Variants in ZRANB3 observed in about 807,000 individuals in gnomAD.
The protein encoded by ZRANB3 is zinc finger RANBP2-type containing 3, also known as DNA annealing helicase and endonuclease ZRANB3.
Under a neutral mutation model 133.8 loss-of-function variants are expected in ZRANB3, and 125 were observed. The observed-to-expected ratio is 0.93, with a 90% CI of 0.81 to 1.08. ZRANB3 has a LOEUF of 1.08. Among genes scored for constraint, ZRANB3 ranks in the 50% least tolerant of loss-of-function variants. The pLI, the probability that ZRANB3 is intolerant of heterozygous loss-of-function variation, is 0.00. For missense variants in ZRANB3, 1,229 were observed against 1,275.5 expected (o/e 0.96, Z 0.56); for synonymous variants, 387 against 432.7 (o/e 0.89, Z 1.31).
chr2:135,327,280 G>A (rs1240476037), intron 6 of ZRANB3, among the ~76,000 whole-genome samples: 2 of 152,122 alleles, frequency 1.3e-5, no homozygotes, highest in African/African-American at 2.4e-5. Context: ...AAGAAAAATT[G>A]GTTTAGATTG....
chr2:135,406,436 A>G (rs1436158362), intron 2 of ZRANB3, among the ~76,000 whole-genome samples: 3 of 152,220 alleles, frequency 2.0e-5, no homozygotes, highest in African/African-American at 7.2e-5. Context: ...TATTCCATCA[A>G]TAGAAAAAGA....
intron 1 of ZRANB3, chr2:135,530,367 T>C (rs541980869): frequency 5.3e-5 from 8 of 152,346 alleles, no homozygotes; most frequent in Middle Eastern, 3.4e-3. Context: ...ACGCCCGCGA[T>C]TGAAGGCCGG....
chr2:135,454,344 T>C (rs1221942829), intron 2 of ZRANB3, among the ~76,000 whole-genome samples: 3 of 152,210 alleles, frequency 2.0e-5, no homozygotes, highest in South Asian at 4.1e-4. Context: ...TATAAAAACA[T>C]TGTTTCGGAG....
At chr2:135,308,256 G>C (rs549289384) in intron 8 of ZRANB3, among the ~76,000 whole-genome samples, 1 of 152,134 alleles carries the variant, frequency 6.6e-6, no homozygotes, top group Admixed American at 6.6e-5. Context: ...GAGTCCAACA[G>C]GGTTTCCTGC....
At chr2:135,237,965 C>T (rs80295150) in intron 12 of ZRANB3, among the ~76,000 whole-genome samples, 2 of 152,092 alleles carry the variant, frequency 1.3e-5, no homozygotes. Flanking sequence ...ACAAAAAAAC[C>T]TGTTAATTAG....
intron 8 of ZRANB3, among the ~76,000 whole-genome samples, chr2:135,305,463 G>A (rs1682635364): frequency 6.6e-6 from 1 of 152,176 alleles, no homozygotes; most frequent in South Asian, 2.1e-4. Context: ...CAGCCAGTCT[G>A]TATCTTTAAA....
At chr2:135,495,611 T>C (rs1692628735) in intron 2 of ZRANB3, among the ~76,000 whole-genome samples, 1 of 152,192 alleles carries the variant, frequency 6.6e-6, no homozygotes, top group African/African-American at 2.4e-5. Context: ...ATAAAAGTTA[T>C]TCTCTATTTT....
chr2:135,497,504 A>G (rs1692728252), intron 2 of ZRANB3, among the ~76,000 whole-genome samples: 1 of 152,212 alleles, frequency 6.6e-6, no homozygotes, highest in Non-Finnish European at 1.5e-5. Context: ...TTAAAAATTC[A>G]ATCATTAGTT....
chr2:135,267,371 T>C (rs1680300017), intron 11 of ZRANB3, among the ~76,000 whole-genome samples: 1 of 152,028 alleles, frequency 6.6e-6, no homozygotes, highest in African/African-American at 2.4e-5. Flanking sequence ...GTCCCACTCC[T>C]ATGATAACCC....
intron 9 of ZRANB3, among the ~76,000 whole-genome samples, chr2:135,273,957 G>A (rs1218940692): frequency 6.6e-6 from 1 of 152,028 alleles, no homozygotes; most frequent in African/African-American, 2.4e-5. Flanking sequence ...AAGGTATAAT[G>A]GAATCAGAAT....
intron 14 of ZRANB3, among the ~76,000 whole-genome samples, chr2:135,227,418 A>C (rs1304063418): frequency 2.0e-5 from 3 of 152,354 alleles, no homozygotes; most frequent in East Asian, 3.9e-4. Context: ...ACTATTTACA[A>C]GAATTTTTGT....
chr2:135,464,441 T>A (rs1299799885), intron 2 of ZRANB3, among the ~76,000 whole-genome samples: 1 of 152,184 alleles, frequency 6.6e-6, no homozygotes, highest in African/African-American at 2.4e-5. Context: ...TACAGAAGGA[T>A]CTGCTTTGGC....
chr2:135,379,955 G>A (rs1686611505), intron 3 of ZRANB3, among the ~76,000 whole-genome samples: 2 of 152,154 alleles, frequency 1.3e-5, no homozygotes, highest in Non-Finnish European at 2.9e-5. Context: ...CAAATAAAGG[G>A]ATGGAGGAAG....
chr2:135,514,452 T>C (rs1209534612), intron 1 of ZRANB3, among the ~76,000 whole-genome samples: 1 of 152,206 alleles, frequency 6.6e-6, no homozygotes, highest in African/African-American at 2.4e-5. Flanking sequence ...GGTCTATTAT[T>C]GGTGTATAAA....
Position 135,373,778 on chromosome 2 carries a change from C to CA in ZRANB3, c.180+17023dup, listed in dbSNP as rs1343242088. ...AATCCAGCCTGGGTAAGACTCTTGT[C>CA]AAAAAAAAGAAAAGAAAAGAAAGAG... On this transcript the variant is annotated intron_variant, in intron 3 of 20. Transcript: ENST00000264159. Among the ~76,000 whole-genome samples the CA allele has an allele frequency of 7.0e-4, 23 of 32,936 alleles. No individual in the cohort carries two copies. In the Admixed American group the frequency reaches 8.3e-3, roughly 12 times the overall value. 21.6% of individuals were successfully genotyped at this position (32,936 alleles called of 152,430 possible).
intron 17 of ZRANB3, among the ~76,000 whole-genome samples, chr2:135,214,498 A>G (rs1694227220): frequency 2.6e-5 from 4 of 152,156 alleles, no homozygotes; most frequent in Non-Finnish European, 1.5e-5. Context: ...TTAAGTGGTC[A>G]TCCATGTCCG....
At chr2:135,261,429 A>C (rs1185008386) in intron 12 of ZRANB3, among the ~76,000 whole-genome samples, 1 of 152,202 alleles carries the variant, frequency 6.6e-6, no homozygotes, top group Non-Finnish European at 1.5e-5. Flanking sequence ...TGGCCATACA[A>C]TAAATAAGCA....
intron 8 of ZRANB3, among the ~76,000 whole-genome samples, chr2:135,289,594 G>A (rs539377429): frequency 2.6e-5 from 4 of 152,184 alleles, no homozygotes; most frequent in Non-Finnish European, 4.4e-5. Context: ...TGGTCTGAGA[G>A]AGTACTTGAT....
At chr2:135,372,165 CAA>C (rs568486324) in intron 3 of ZRANB3, among the ~76,000 whole-genome samples, 33 of 88,536 alleles carry the variant, frequency 3.7e-4, no homozygotes, top group Non-Finnish European at 3.0e-4. Context: ...GACTCTGTCT[CAA>C]AAAAAAAAAA....
Sources: gnomAD v4.1 joint callset for allele counts (sites outside exome capture counted in the v4.1 genomes callset) on GRCh38, gnomAD v4.1.1 for gene constraint, MANE v1.5 for transcripts, NCBI Gene and HGNC (gene_info 2026-07-23, HGNC 2026-07-21) for gene names.